DPYD: variants seen among roughly 807,000 people sequenced by gnomAD.
DPYD encodes the protein dihydropyrimidine dehydrogenase, also known as dihydropyrimidine dehydrogenase [NADP(+)].
Under a neutral mutation model 116.2 loss-of-function variants are expected in DPYD, and 109 were observed. That is an observed-to-expected ratio of 0.94 (90% CI 0.80 to 1.10). The LOEUF (loss-of-function observed/expected upper bound fraction) is 1.10, where lower values mean the gene tolerates loss of function less well. DPYD is among the 50% of genes least tolerant of loss of function. The probability of loss-of-function intolerance (pLI) is 0.00; values close to 1 mark genes in which losing one functional copy is unlikely to be tolerated. For synonymous variants in DPYD, 440 were observed against 432.0 expected (o/e 1.02, Z -0.23); for missense variants, 1,302 against 1,254.5 (o/e 1.04, Z -0.57).
chr1:97,803,214 C>T (rs1185564274), intron 3 of DPYD, among the ~76,000 whole-genome samples: 2 of 151,796 alleles, frequency 1.3e-5, no homozygotes, highest in Non-Finnish European at 2.9e-5. Context: ...AGGAGGAATG[C>T]CACGACTCCT....
In DPYD at chr1:97,573,964, G is replaced by A. The variant is rs1463235938; in HGVS notation, c.1135C>T (p.Leu379Phe). ...NIRAVPEEME[L>F]AKEEKCEFLP... ...AATTCACACTTTTCTTCCTTAGCAA[G>A]TTCCATCTAAAACAAAACAGAACAG... Residue 379 changes from leucine to phenylalanine, a missense_variant, in exon 11 of 23, where the codon CTT becomes TTT. Transcript: ENST00000370192. 1 of 1,613,376 alleles carries A rather than the reference G, an allele frequency of 6.2e-7. No homozygotes were observed. The highest frequency in any genetic ancestry group is 8.5e-7 in the Non-Finnish European group (1 of 1,179,524).
intron 8 of DPYD, among the ~76,000 whole-genome samples, chr1:97,616,976 C>T (rs7514934): frequency 0.034 from 5,175 of 152,068 alleles, 297 homozygotes; most frequent in African/African-American, 0.12. Flanking sequence ...ACCTCCGCCT[C>T]CCGGGTTCAA....
intron 3 of DPYD, among the ~76,000 whole-genome samples, chr1:97,802,744 T>C (rs1667904357): frequency 6.6e-6 from 1 of 151,902 alleles, no homozygotes; most frequent in South Asian, 2.1e-4. Context: ...ATTAAAAGTG[T>C]CAAATTTCCA....
intron 1 of DPYD, among the ~76,000 whole-genome samples, chr1:97,891,671 G>A (rs1672783656): frequency 6.6e-6 from 1 of 151,788 alleles, no homozygotes; most frequent in South Asian, 2.1e-4. Context: ...TACAATCACA[G>A]GCCCTCATGT....
At chr1:97,703,639 C>T (rs1287160688) in intron 5 of DPYD, among the ~76,000 whole-genome samples, 1 of 151,846 alleles carries the variant, frequency 6.6e-6, no homozygotes, top group Non-Finnish European at 1.5e-5. Context: ...ATGCAAAGAC[C>T]TCAGTAGCAC....
chr1:97,793,812 AT>A (rs1441101192), intron 3 of DPYD, among the ~76,000 whole-genome samples: 3 of 152,180 alleles, frequency 2.0e-5, no homozygotes, highest in Admixed American at 6.5e-5. Flanking sequence ...GTAGACAAAG[AT>A]TTTTTTAGAT....
chr1:97,507,364 T>C (rs1647417905), intron 13 of DPYD, among the ~76,000 whole-genome samples: 2 of 151,890 alleles, frequency 1.3e-5, no homozygotes, highest in South Asian at 4.1e-4. Flanking sequence ...AACAATACTA[T>C]GCAATAAATA....
chr1:97,088,657 T>A (rs967495253), intron 21 of DPYD, among the ~76,000 whole-genome samples: 7 of 152,116 alleles, frequency 4.6e-5, no homozygotes, highest in African/African-American at 1.7e-4. Flanking sequence ...TGGATTTCCA[T>A]GCATGTGTAT....
At chr1:97,577,647 T>C (rs1430345936) in intron 10 of DPYD, among the ~76,000 whole-genome samples, 2 of 152,146 alleles carry the variant, frequency 1.3e-5, no homozygotes, top group Non-Finnish European at 2.9e-5. Flanking sequence ...ATCTTGAGCC[T>C]GTCCCAATCA....
At chr1:97,582,300 G>T (rs1219339633) in intron 10 of DPYD, among the ~76,000 whole-genome samples, 1 of 152,134 alleles carries the variant, frequency 6.6e-6, no homozygotes, top group African/African-American at 2.4e-5. Flanking sequence ...CAGTGGTCCT[G>T]CACTTCTTGT....
At chr1:97,142,771 T>C (rs560714252) in intron 20 of DPYD, among the ~76,000 whole-genome samples, 5 of 152,252 alleles carry the variant, frequency 3.3e-5, no homozygotes, top group African/African-American at 9.6e-5. Context: ...CTGACTTTCC[T>C]GCTTGGCACT....
chr1:97,775,342 A>G (rs1345868659), intron 3 of DPYD, among the ~76,000 whole-genome samples: 1 of 152,168 alleles, frequency 6.6e-6, no homozygotes, highest in East Asian at 1.9e-4. Flanking sequence ...ATCTTCTGAT[A>G]TATGGAAGTG....
chr1:97,721,806 T>C (rs1662941878), intron 4 of DPYD, 135 bp from the exon 5 acceptor site: 3 of 802,620 alleles, frequency 3.7e-6, no homozygotes, highest in Non-Finnish European at 2.0e-6. Context: ...TAGGTTTCAA[T>C]ACTACTATCA....
At chr1:97,904,992 T>TA (rs970367701) in intron 1 of DPYD, among the ~76,000 whole-genome samples, 12 of 152,040 alleles carry the variant, frequency 7.9e-5, no homozygotes, top group Non-Finnish European at 4.4e-5. Context: ...AAAGTTGACT[T>TA]ACACAATTAA....
chr1:97,859,863 T>G (rs1234291944), intron 2 of DPYD, among the ~76,000 whole-genome samples: 3 of 152,174 alleles, frequency 2.0e-5, no homozygotes, highest in Non-Finnish European at 4.4e-5. Flanking sequence ...ATATAAATAT[T>G]TGTAACAATT....
chr1:97,254,498 C>G (rs1663323576), intron 18 of DPYD, among the ~76,000 whole-genome samples: 1 of 151,852 alleles, frequency 6.6e-6, no homozygotes, highest in Admixed American at 6.6e-5. Flanking sequence ...GTCCAATCAC[C>G]TTATGTACCA....
intron 7 of DPYD, among the ~76,000 whole-genome samples, chr1:97,688,111 C>T (rs754999920): frequency 2.0e-5 from 3 of 151,936 alleles, no homozygotes; most frequent in African/African-American, 4.8e-5. Context: ...GCATCCTGCA[C>T]GTGCATCCTG....
chr1:97,751,458 GTGTATA>G (rs1297866917), intron 3 of DPYD, among the ~76,000 whole-genome samples: 5 of 22,058 alleles, frequency 2.3e-4, no homozygotes, highest in African/African-American at 5.4e-4. Flanking sequence ...GTGTGTGTGT[GTGTATA>G]TATATATATA....
intron 8 of DPYD, among the ~76,000 whole-genome samples, chr1:97,612,964 TAG>T (rs1656042937): frequency 1.3e-5 from 2 of 152,164 alleles, no homozygotes; most frequent in South Asian, 4.1e-4. Flanking sequence ...CTGATTATTA[TAG>T]AGTTTTGAAT....
Sources: gnomAD v4.1 joint callset for allele counts (sites outside exome capture counted in the v4.1 genomes callset) on GRCh38, gnomAD v4.1.1 for gene constraint, MANE v1.5 for transcripts, NCBI Gene and HGNC (gene_info 2026-07-23, HGNC 2026-07-21) for gene names.